Variants in LMX1B observed in about 807,000 individuals in gnomAD.
The protein encoded by LMX1B is LIM homeobox transcription factor 1-beta.
Under a neutral mutation model 51.4 loss-of-function variants are expected in LMX1B, and 12 were observed. That is an observed-to-expected ratio of 0.23 (90% CI 0.15 to 0.38). The LOEUF (loss-of-function observed/expected upper bound fraction) is 0.38, where lower values mean the gene tolerates loss of function less well. Ranked by LOEUF, LMX1B falls within the 10% of genes least tolerant of loss-of-function variation. The pLI is 1.00. For missense variants in LMX1B, 445 were observed against 571.1 expected, an observed-to-expected ratio of 0.78 and a Z score of 2.25; for synonymous variants, 237 against 235.4, an observed-to-expected ratio of 1.01 and a Z score of -0.06.
Position 126,658,317 on chromosome 9 carries a change from C to G in LMX1B, c.327-32519C>G, listed in dbSNP as rs1448585053. Among the ~76,000 whole-genome samples, 1 of 151,972 alleles carries G rather than the reference C, an allele frequency of 6.6e-6. No homozygotes were observed. The highest frequency in any genetic ancestry group is 1.5e-5 in the Non-Finnish European group (1 of 67,970). ...AGGGAGGGACTTACTAGCTCTGGAT[C>G]CCTTTGGCCAGGGTGTGGGGAGTGG... On this transcript the variant is annotated intron_variant, in intron 2 of 7. Transcript: ENST00000373474. The surrounding 1 kb of genome is among the most constrained non-coding windows in gnomAD (Gnocchi z 4.0).
chr9:126,635,293 C>G (rs1835695048), intron 2 of LMX1B, among the ~76,000 whole-genome samples: 1 of 152,228 alleles, frequency 6.6e-6, no homozygotes, highest in Admixed American at 6.5e-5. Context: ...AGGCCCGGGG[C>G]TTACACAAAG....
intron 2 of LMX1B, among the ~76,000 whole-genome samples, chr9:126,647,652 A>C (rs374517791): frequency 4.6e-5 from 7 of 152,356 alleles, no homozygotes; most frequent in African/African-American, 1.7e-4. Flanking sequence ...TCCATGACCC[A>C]GCAGTTCCTT....
In LMX1B at chr9:126,626,296, T is replaced by G. The variant is rs1287334944; in HGVS notation, c.326+10727T>G. Among the ~76,000 whole-genome samples the G allele has an allele frequency of 6.6e-6, 1 of 152,108 alleles. No individual in the cohort carries two copies. The highest frequency in any genetic ancestry group is 1.5e-5 in the Non-Finnish European group (1 of 67,998). The stretch of plus-strand genomic sequence containing the variant: ...ATCGGGCTGAGAGCAGGGTGTCACC[T>G]CGTAAAAGCGACAGGCAAGGACTGT... On this transcript the variant is annotated intron_variant, in intron 2 of 7. Coordinates refer to ENST00000373474, the MANE Select transcript of LMX1B (RefSeq NM_001174147.2). The surrounding 1 kb of genome is among the most constrained non-coding windows in gnomAD (Gnocchi z 4.3).
rs1179379447 is a variant in LMX1B, at chr9:126,625,371, G to A, written c.326+9802G>A. 6.6e-6 allele frequency among the ~76,000 whole-genome samples: 1 copy of A among 152,202 alleles called. No homozygotes were observed. Among genetic ancestry groups the A allele is most frequent in the African/African-American group, 2.4e-5 (1 of 41,448 alleles). On this transcript the variant is annotated intron_variant, in intron 2 of 7. Transcript: ENST00000373474. This position sits in a 1 kb window ranked among gnomAD's most constrained non-coding sequence, Gnocchi z 5.3. The stretch of plus-strand genomic sequence containing the variant: ...GGATGAATGGGGGGAGGGTTAGTGG[G>A]ATGTGTTTGCCTCCTCTGACCGAGA...
At chr9:126,649,218 A>G (rs934654661) in intron 2 of LMX1B, among the ~76,000 whole-genome samples, 1 of 150,724 alleles carries the variant, frequency 6.6e-6, no homozygotes, top group African/African-American at 2.4e-5. Context: ...AACTGCATCA[A>G]CCTCTTCCTG....
Position 126,693,801 on chromosome 9 carries a change from G to T in LMX1B, c.875G>T (p.Arg292Leu), listed in dbSNP as rs775625232. 63 of 1,374,474 alleles carry T rather than the reference G, an allele frequency of 4.6e-5. No homozygotes were observed. The Admixed American group carries it at 1.2e-3, about 26-fold the overall frequency. 85.1% of individuals were successfully genotyped at this position (1,374,474 alleles called of 1,614,324 possible). A position where few individuals can be genotyped will look rare whatever the true frequency, so the allele number is the denominator to read the frequency against. Reference sequence around the variant, plus strand: ...CAGCAGGAGCAGCAGAACTCCCAGCGGCTGGGCCAGGGTGAGCCGGGGCCG... The same window carrying T: ...CAGCAGGAGCAGCAGAACTCCCAGCTGCTGGGCCAGGGTGAGCCGGGGCCG... ...QQQQEQQNSQ[R>L]LGQEVLSSRM... is the part of the protein sequence containing the mutation. The change falls in exon 6 of 8, where the codon CGG (arginine) becomes CTG (leucine). Residue 292 changes from arginine (R) to leucine (L), a missense_variant. Coordinates refer to ENST00000373474, the MANE Select transcript of LMX1B (RefSeq NM_001174147.2).
intron 2 of LMX1B, among the ~76,000 whole-genome samples, chr9:126,653,137 AGATGC>A: frequency 7.7e-6 from 1 of 130,526 alleles, no homozygotes; most frequent in Non-Finnish European, 1.6e-5. Flanking sequence ...TGTTTCAAGT[AGATGC>A]TTTTTTTTTT....
At position 126,614,097 on chromosome 9, in the gene LMX1B, C is replaced by CCCG. The variant is rs1384683660; in HGVS notation, c.-352_-351insCGC. On this transcript the variant is annotated 5_prime_UTR_variant, in exon 1 of 8. Transcript: ENST00000373474. ...CCCTGCACCCCCACCCCCTCCCCCGCCTGCCGCCGCCGCCACCGCCACCGC... is the reference window on the plus strand; with the variant it reads ...CCCTGCACCCCCACCCCCTCCCCCGCCCGCTGCCGCCGCCGCCACCGCCACCGC... Among the ~76,000 whole-genome samples the CCCG allele has an allele frequency of 1.4e-5, 2 of 141,098 alleles. No homozygotes were observed. 92.6% of individuals were successfully genotyped at this position (141,098 alleles called of 152,430 possible).
chr9:126,693,532 G>A lies in LMX1B; in HGVS notation c.750G>A (p.Glu250=). 6.2e-7 allele frequency: 1 copy of A among 1,614,062 alleles called. No homozygotes were observed. Residue 250 remains glutamate (E), a synonymous_variant, in exon 5 of 8, where the codon GAG becomes GAA. Coordinates refer to ENST00000373474, the MANE Select transcript of LMX1B (RefSeq NM_001174147.2). ...CCCTCTCTCTGAGCCAGGTCCGAGAGACACTGGCAGCTGAGACGGGCCTCA... is the reference window on the plus strand; with the variant it reads ...CCCTCTCTCTGAGCCAGGTCCGAGAAACACTGGCAGCTGAGACGGGCCTCA... ...VSSKPCRKVR[E]TLAAETGLSV...
chr9:126,615,636 GC>G lies in LMX1B; in HGVS notation c.326+70del. The G allele has an allele frequency of 2.1e-6, 3 of 1,458,794 alleles. No individual in the cohort carries two copies. Among genetic ancestry groups the G allele is most frequent in the Non-Finnish European group, 2.8e-6 (3 of 1,076,310 alleles). The allele number at this position is 1,458,794 out of a possible 1,614,324, so 90.4% of individuals were successfully genotyped here. On this transcript the variant is annotated intron_variant, in intron 2 of 7. Transcript: ENST00000373474. This position sits in a 1 kb window ranked among gnomAD's most constrained non-coding sequence, Gnocchi z 6.0. ...TCGAGCCCGGTCAGCCCCCTGCCGG[GC>G]CCGGCCCGCGCCCGCTCTGCCGCCG...
intron 2 of LMX1B, among the ~76,000 whole-genome samples, chr9:126,619,274 T>C (rs1452475124): frequency 6.6e-6 from 1 of 152,154 alleles, no homozygotes; most frequent in Non-Finnish European, 1.5e-5. Flanking sequence ...CTTGGGAGGC[T>C]CACCTCTCCC....
rs971182816 is a variant in LMX1B at position 126,638,209 on chromosome 9, G to A, written c.326+22640G>A. Among the ~76,000 whole-genome samples, 5 of 152,266 alleles carry A rather than the reference G, an allele frequency of 3.3e-5. No individual in the cohort carries two copies. In the East Asian group the frequency reaches 5.8e-4, roughly 18 times the overall value. On this transcript the variant is annotated intron_variant, in intron 2 of 7. Coordinates refer to ENST00000373474, the MANE Select transcript of LMX1B (RefSeq NM_001174147.2). The stretch of plus-strand genomic sequence containing the variant: ...CTGGTGTCCCTGGCAGGTGGGTCCC[G>A]ACAGGAATGCTCCGGTGGGGGTGCC...
In LMX1B at chr9:126,695,250, C is replaced by A. The variant is rs1783034724; in HGVS notation, c.887-589C>A. Reference sequence around the variant, plus strand: ...CAGCGGCTCCCAGCGGCCTCGGGGACCCCCACCCAGCTCGGCACCCCAGGG... The same window carrying A: ...CAGCGGCTCCCAGCGGCCTCGGGGAACCCCACCCAGCTCGGCACCCCAGGG... On this transcript the variant is annotated intron_variant, in intron 6 of 7. Coordinates refer to ENST00000373474, the MANE Select transcript of LMX1B (RefSeq NM_001174147.2). This position sits in a 1 kb window ranked among gnomAD's most constrained non-coding sequence, Gnocchi z 5.2. Among the ~76,000 whole-genome samples the A allele has an allele frequency of 6.6e-6, 1 of 152,154 alleles. No individual in the cohort carries two copies. The highest frequency in any genetic ancestry group is 2.1e-4 in the South Asian group (1 of 4,822).
intron 2 of LMX1B, among the ~76,000 whole-genome samples, chr9:126,668,850 G>T (rs1390533748): frequency 6.6e-6 from 1 of 152,254 alleles, no homozygotes; most frequent in Non-Finnish European, 1.5e-5. Context: ...CTCCTGGGTG[G>T]TGCTTGGCAG....
At chr9:126,669,674 A>G (rs992904973) in intron 2 of LMX1B, among the ~76,000 whole-genome samples, 6 of 152,036 alleles carry the variant, frequency 3.9e-5, no homozygotes, top group African/African-American at 1.5e-4. Flanking sequence ...ACGTCTGTAT[A>G]TGGCAGTATG....
chr9:126,679,031 A>AC (rs1836624024), intron 2 of LMX1B, among the ~76,000 whole-genome samples: 1 of 152,118 alleles, frequency 6.6e-6, no homozygotes, highest in Non-Finnish European at 1.5e-5. Flanking sequence ...AGCCACTTGG[A>AC]CACCCTAGTG....
At chr9:126,661,881 C>T (rs1044506126) in intron 2 of LMX1B, among the ~76,000 whole-genome samples, 4 of 152,204 alleles carry the variant, frequency 2.6e-5, no homozygotes, top group African/African-American at 9.7e-5. Context: ...AGCCCTCAGC[C>T]GCCTCAATCA....
At chr9:126,664,555 C>T (rs965674343) in intron 2 of LMX1B, among the ~76,000 whole-genome samples, 2 of 152,210 alleles carry the variant, frequency 1.3e-5, no homozygotes, top group Non-Finnish European at 2.9e-5. Flanking sequence ...ACAGAGATAG[C>T]GCATGGCCCG....
At position 126,697,261 on chromosome 9, in the gene LMX1B, C is replaced by T. The variant is rs1018163622; in HGVS notation, c.*810C>T. The T allele has an allele frequency of 6.6e-6, 1 of 152,116 alleles. No homozygotes were observed. The highest frequency in any genetic ancestry group is 2.4e-5 in the African/African-American group (1 of 41,330). The allele number at this position is 152,116 out of a possible 1,614,324, so 9.4% of individuals were successfully genotyped here. On this transcript the variant is annotated 3_prime_UTR_variant, in exon 8 of 8. Coordinates refer to ENST00000373474, the MANE Select transcript of LMX1B (RefSeq NM_001174147.2). Reference sequence around the variant, plus strand: ...CTTGAAGCATCGGACCCAGTTGTATCCCAGCCTGGGCCCAAATGGGGGCAG... The same window carrying T: ...CTTGAAGCATCGGACCCAGTTGTATTCCAGCCTGGGCCCAAATGGGGGCAG...
Sources: allele counts gnomAD v4.1 joint callset (sites outside exome capture counted in the v4.1 genomes callset), GRCh38; gene constraint gnomAD v4.1.1; non-coding constraint Gnocchi (gnomAD v3.1); transcripts MANE v1.5; gene names NCBI Gene and HGNC (gene_info 2026-07-23, HGNC 2026-07-21).